Variants in TMEM260 observed in about 807,000 individuals in gnomAD.
The protein encoded by TMEM260 is protein O-mannosyl-transferase TMEM260.
In TMEM260, 82 loss-of-function variants were observed where a neutral mutation model predicts 88.9. That is an observed-to-expected ratio of 0.92 (90% CI 0.77 to 1.11). TMEM260 has a LOEUF of 1.11. Ranked by LOEUF, TMEM260 falls within the 50% of genes least tolerant of loss-of-function variation. The pLI, the probability that TMEM260 is intolerant of heterozygous loss-of-function variation, is 0.00. For synonymous variants in TMEM260, 314 were observed against 309.3 expected (o/e 1.02, Z -0.16); for missense variants, 902 against 853.4 (o/e 1.06, Z -0.71).
chr14:56,662,291 T>C, the TMEM260 span, among the ~76,000 whole-genome samples: 1 of 152,202 alleles, frequency 6.6e-6, no homozygotes, highest in East Asian at 1.9e-4. Context: ...CCATTCCACC[T>C]AGTTTAAGCA....
chr14:56,600,611 A>C (rs550557298), intron 3 of TMEM260, among the ~76,000 whole-genome samples: 1 of 152,332 alleles, frequency 6.6e-6, no homozygotes, highest in South Asian at 2.1e-4. Context: ...AGGAAAATGC[A>C]AATCCAAACT....
chr14:56,611,734 C>T (rs924822994), intron 6 of TMEM260, among the ~76,000 whole-genome samples: 1 of 152,154 alleles, frequency 6.6e-6, no homozygotes, highest in Admixed American at 6.5e-5. Context: ...AAGATACATA[C>T]ACACGTATGT....
intron 4 of TMEM260, 100 bp from the exon 5 acceptor site, chr14:56,605,467 CATG>C: frequency 2.0e-6 from 1 of 492,340 alleles, no homozygotes; most frequent in South Asian, 5.2e-5. Context: ...TTTAACCTAA[CATG>C]ATACGAATGC....
chr14:56,608,272 A>G (rs1887036757), intron 5 of TMEM260, among the ~76,000 whole-genome samples: 1 of 152,212 alleles, frequency 6.6e-6, no homozygotes, highest in Non-Finnish European at 1.5e-5. Flanking sequence ...TGTAAAGGAA[A>G]AATTGGCAAT....
At position 56,647,766 on chromosome 14, in the gene TMEM260, A is replaced by T; in HGVS notation, c.*269A>T. On this transcript the variant is annotated 3_prime_UTR_variant, in exon 16 of 16. Coordinates refer to ENST00000261556, the MANE Select transcript of TMEM260 (RefSeq NM_017799.4). ...CTTCTGACTTCCAGTCTTTCACCAG[A>T]TGACTGCACTGGATTAGATTCTAGA... is the stretch of plus-strand genomic sequence containing the variant. 1 of 418,610 alleles carries T rather than the reference A, an allele frequency of 2.4e-6. No homozygotes were observed. Among genetic ancestry groups the T allele is most frequent in the Non-Finnish European group, 4.3e-6 (1 of 234,658 alleles). 25.9% of individuals were successfully genotyped at this position (418,610 alleles called of 1,614,324 possible).
chr14:56,647,367 C>T lies in TMEM260; in HGVS notation c.1994C>T (p.Ser665Leu), dbSNP rs147042249. The part of the protein sequence containing the change: ...ARDADPEVLL[S>L]ETIRHFRLYS... ...GATGCAGATCCTGAAGTGCTGTTAT[C>T]GGAAACCATCAGACATTTCCGTCTG... The change falls in exon 16 of 16, where the codon TCG becomes TTG. Residue 665 changes from serine to leucine, a missense_variant. By Grantham distance (145) the Ser-to-Leu change is moderately radical. Coordinates refer to ENST00000261556, the MANE Select transcript of TMEM260 (RefSeq NM_017799.4). 132 of 1,614,140 alleles carry T rather than the reference C, an allele frequency of 8.2e-5. 2 individuals are homozygous for T. In the African/African-American group the frequency reaches 1.1e-3, roughly 13 times the overall value.
chr14:56,596,425 T>TATATATATATATATATATATATAC (rs1490067903), intron 3 of TMEM260, among the ~76,000 whole-genome samples: 47 of 135,608 alleles, frequency 3.5e-4, no homozygotes, highest in African/African-American at 1.3e-3. Flanking sequence ...TATATATATA[T>TATATATATATATATATATATATAC]ACATACACAC....
At chr14:56,593,719 G>A (rs1339008541) in intron 3 of TMEM260, among the ~76,000 whole-genome samples, 1 of 119,368 alleles carries the variant, frequency 8.4e-6, no homozygotes, top group South Asian at 3.0e-4. Flanking sequence ...ACTGAGTCTC[G>A]GTCTGTCGCC....
chr14:56,618,863 A>G, intron 10 of TMEM260, 100 bp downstream of exon 10: 2 of 1,220,064 alleles, frequency 1.6e-6, no homozygotes, highest in Non-Finnish European at 2.3e-6. Flanking sequence ...CTGGTTTTCA[A>G]GACTCAAAGT....
chr14:56,579,642 C>T (rs1486198010), upstream of TMEM260: 2 of 368,366 alleles, frequency 5.4e-6, no homozygotes, highest in Non-Finnish European at 9.7e-6. Flanking sequence ...GAATGCTCTC[C>T]TGGTGATTAG....
At chr14:56,653,890 A>C (rs1181642524), downstream of TMEM260, among the ~76,000 whole-genome samples, 1 of 152,210 alleles carries the variant, frequency 6.6e-6, no homozygotes. Context: ...TAGTAACAGC[A>C]CTGAGACTAG....
chr14:56,635,867 T>TTATGCAATAGTATTTTTGAA (rs1202832082), intron 14 of TMEM260, among the ~76,000 whole-genome samples: 5 of 152,120 alleles, frequency 3.3e-5, no homozygotes, highest in African/African-American at 4.8e-5. Flanking sequence ...ATACTATAGT[T>TTATGCAATAGTATTTTTGAA]TATGCAATAG....
chr14:56,653,402 T>C (rs1367363685), downstream of TMEM260, among the ~76,000 whole-genome samples: 2 of 151,536 alleles, frequency 1.3e-5, no homozygotes, highest in Non-Finnish European at 2.9e-5. Context: ...TTGTAGGTCA[T>C]AGTAAAAAAA....
chr14:56,636,644 G>C lies in TMEM260; in HGVS notation c.1869+46G>C, dbSNP rs1330950788. The C allele has an allele frequency of 4.6e-6, 7 of 1,506,584 alleles. No homozygotes were observed. The South Asian group carries it at 7.9e-5, about 17-fold the overall frequency. The allele number at this position is 1,506,584 out of a possible 1,614,324, so 93.3% of individuals were successfully genotyped here. A position where few individuals can be genotyped will look rare whatever the true frequency, so the allele number is the denominator to read the frequency against. On this transcript the variant is annotated intron_variant, in intron 15 of 15. Coordinates refer to ENST00000261556, the MANE Select transcript of TMEM260 (RefSeq NM_017799.4). ...TAGATATAGATATATTTGGTGGGAA[G>C]GTGATGGTGATTGTTCAGAATGGAT...
Position 56,622,699 on chromosome 14 carries a change from G to A in TMEM260, c.1398+997G>A, listed in dbSNP as rs74052077. ...ACCTGTCTCTGGTGTTTTTAGAGCA[G>A]TCATTAGGAAAAGAGAAATTCTTAA... On this transcript the variant is annotated intron_variant, in intron 11 of 15. Transcript: ENST00000261556. Among the ~76,000 whole-genome samples the A allele has an allele frequency of 8.5e-3, 1,296 of 152,150 alleles. 27 individuals are homozygous for A. The highest frequency in any genetic ancestry group is 0.03 in the African/African-American group (1,252 of 41,508).
chr14:56,620,401 A>G (rs1369656756), intron 10 of TMEM260, among the ~76,000 whole-genome samples: 3 of 152,212 alleles, frequency 2.0e-5, no homozygotes, highest in Admixed American at 2.0e-4. Flanking sequence ...CCTGGACACA[A>G]CATCATCGCT....
At chr14:56,605,527 A>G in intron 4 of TMEM260, 43 bp from the exon 5 acceptor site, 2 of 1,106,020 alleles carry the variant, frequency 1.8e-6, no homozygotes, top group Non-Finnish European at 2.6e-6. Context: ...TTAGAGTTTT[A>G]GGTGAATTTT....
intron 12 of TMEM260, among the ~76,000 whole-genome samples, chr14:56,626,024 T>C (rs1043081423): frequency 6.6e-6 from 1 of 152,218 alleles, no homozygotes; most frequent in African/African-American, 2.4e-5. Flanking sequence ...ATTCTATACT[T>C]GAGAACATAA....
At chr14:56,661,307 G>A in the TMEM260 span, among the ~76,000 whole-genome samples, 10 of 152,136 alleles carry the variant, frequency 6.6e-5, no homozygotes, top group Non-Finnish European at 5.9e-5. Flanking sequence ...GGTGAGAGGC[G>A]TGGGAAAATG....
Sources: gnomAD v4.1 joint callset for allele counts (sites outside exome capture counted in the v4.1 genomes callset) on GRCh38, gnomAD v4.1.1 for gene constraint, MANE v1.5 for transcripts, NCBI Gene and HGNC (gene_info 2026-07-23, HGNC 2026-07-21) for gene names.